The following NKAIN3 variants were observed in gnomAD, a reference collection of about 807,000 sequenced individuals.
The protein encoded by NKAIN3 is sodium/potassium transporting ATPase interacting 3, also known as sodium/potassium-transporting ATPase subunit beta-1-interacting protein 3.
Under a neutral mutation model 30.2 loss-of-function variants are expected in NKAIN3, and 25 were observed. The observed-to-expected ratio is 0.83, with a 90% CI of 0.60 to 1.16. NKAIN3 has a LOEUF of 1.16. Among genes scored for constraint, NKAIN3 ranks in the 50% most tolerant of loss-of-function variants. NKAIN3 has a pLI of 0.00. For synonymous variants in NKAIN3, 91 were observed against 89.6 expected, an observed-to-expected ratio of 1.02 and a Z score of -0.09; for missense variants, 225 against 254.1, an observed-to-expected ratio of 0.89 and a Z score of 0.78.
At chr8:62,852,024 G>T (rs1316830030) in intron 4 of NKAIN3, among the ~76,000 whole-genome samples, 2 of 152,102 alleles carry the variant, frequency 1.3e-5, no homozygotes, top group Non-Finnish European at 2.9e-5. Context: ...TAGTTTAGAA[G>T]GAAAGGTACC....
chr8:62,690,574 C>G (rs1374317846), intron 3 of NKAIN3, among the ~76,000 whole-genome samples: 1 of 152,224 alleles, frequency 6.6e-6, no homozygotes, highest in Non-Finnish European at 1.5e-5. Context: ...GTTTCTGTCT[C>G]TGCCTCAGTC....
intron 3 of NKAIN3, among the ~76,000 whole-genome samples, chr8:62,739,466 C>T (rs946093979): frequency 6.6e-6 from 1 of 152,046 alleles, no homozygotes; most frequent in Non-Finnish European, 1.5e-5. Context: ...CTGATAGGGG[C>T]TCTTTTCAAA....
chr8:62,634,798 G>A lies in NKAIN3; in HGVS notation c.273+45004G>A, dbSNP rs1190737584. On this transcript the variant is annotated intron_variant, in intron 3 of 6. Coordinates refer to ENST00000623646, the MANE Select transcript of NKAIN3 (RefSeq NM_001304533.3). The stretch of plus-strand genomic sequence containing the variant: ...GGTGAGTGAATGGAGTTACTTGTAT[G>A]GGATAAACCAAACAAGAATGGACTT... Among the ~76,000 whole-genome samples, 4 of 152,056 alleles carry A rather than the reference G, an allele frequency of 2.6e-5. No individual in the cohort carries two copies. The South Asian group carries it at 6.2e-4, about 24-fold the overall frequency.
chr8:62,646,948 C>T (rs78639033), intron 3 of NKAIN3, among the ~76,000 whole-genome samples: 1 of 152,070 alleles, frequency 6.6e-6, no homozygotes, highest in African/African-American at 2.4e-5. Context: ...CCCCAGCTCC[C>T]AGCACAAAGG....
rs1238932809 is a variant in NKAIN3, at chr8:62,970,224, AAGAG to A, written c.*4825_*4828del. ...AATACAGCAAAAGCCTGTCTCTAAA[AAGAG>A]AGAGAGATAAGTAGATATGTTTTAA... On this transcript the variant is annotated 3_prime_UTR_variant, in exon 7 of 7. Transcript: ENST00000623646. 6.6e-6 allele frequency among the ~76,000 whole-genome samples: 1 copy of A among 152,120 alleles called. No homozygotes were observed. The highest frequency in any genetic ancestry group is 1.5e-5 in the Non-Finnish European group (1 of 68,018).
chr8:62,803,815 G>A (rs1818164509), intron 4 of NKAIN3, among the ~76,000 whole-genome samples: 1 of 152,148 alleles, frequency 6.6e-6, no homozygotes, highest in Non-Finnish European at 1.5e-5. Flanking sequence ...AAAAATTAAT[G>A]AATCCAGGAG....
At chr8:62,556,666 T>C (rs148341281) in intron 1 of NKAIN3, among the ~76,000 whole-genome samples, 5 of 151,930 alleles carry the variant, frequency 3.3e-5, no homozygotes, top group Non-Finnish European at 5.9e-5. Flanking sequence ...CCAGATATAA[T>C]AGAATTTAAG....
At chr8:62,858,180 C>G (rs1820120695) in intron 4 of NKAIN3, among the ~76,000 whole-genome samples, 1 of 152,112 alleles carries the variant, frequency 6.6e-6, no homozygotes, top group Non-Finnish European at 1.5e-5. Context: ...CTGGAGGTAT[C>G]ACCACCGAAG....
chr8:62,611,737 G>T (rs1302402058), intron 3 of NKAIN3, among the ~76,000 whole-genome samples: 1 of 151,940 alleles, frequency 6.6e-6, no homozygotes, highest in Non-Finnish European at 1.5e-5. Context: ...TTAAACAGTG[G>T]GGCAACAAAC....
At chr8:62,650,981 C>A (rs1563500369) in intron 3 of NKAIN3, among the ~76,000 whole-genome samples, 3 of 151,752 alleles carry the variant, frequency 2.0e-5, no homozygotes, top group African/African-American at 7.3e-5. Context: ...AACAAGAATT[C>A]TTTTGTTTTG....
At chr8:62,478,791 T>G (rs183951068) in intron 1 of NKAIN3, among the ~76,000 whole-genome samples, 93 of 152,296 alleles carry the variant, frequency 6.1e-4, no homozygotes, top group African/African-American at 2.2e-3. Context: ...CTGACCCGTA[T>G]TTTTCTAAAA....
chr8:62,918,858 G>T (rs927011731), intron 5 of NKAIN3, among the ~76,000 whole-genome samples: 3 of 151,894 alleles, frequency 2.0e-5, no homozygotes, highest in African/African-American at 7.3e-5. Context: ...GCATGTTGGT[G>T]GCAGAATTTT....
At chr8:62,717,437 A>T (rs372510806) in intron 3 of NKAIN3, among the ~76,000 whole-genome samples, 1 of 151,630 alleles carries the variant, frequency 6.6e-6, no homozygotes, top group African/African-American at 2.4e-5. Context: ...GTAACACAGG[A>T]GACTTTGAAT....
rs1275116341 is a variant in NKAIN3 at position 62,949,340 on chromosome 8, G to T, written c.533-4562G>T. Among the ~76,000 whole-genome samples, 3 of 152,142 alleles carry T rather than the reference G, an allele frequency of 2.0e-5. No homozygotes were observed. The East Asian group carries it at 5.8e-4, about 29-fold the overall frequency. On this transcript the variant is annotated intron_variant, in intron 5 of 6. Transcript: ENST00000623646. ...GTGTGTCCCATAAACAAATAGAAAA[G>T]TTGCTATTGGTTGTGTATTTTTTTA...
At chr8:62,478,123 T>C (rs1055859058) in intron 1 of NKAIN3, among the ~76,000 whole-genome samples, 4 of 152,080 alleles carry the variant, frequency 2.6e-5, no homozygotes, top group African/African-American at 7.2e-5. Context: ...TTTCAACATA[T>C]GCATTTTGGA....
chr8:62,454,229 A>G (rs1219359820), intron 1 of NKAIN3, among the ~76,000 whole-genome samples: 1 of 147,426 alleles, frequency 6.8e-6, no homozygotes, highest in Non-Finnish European at 1.5e-5. Context: ...TTCAGCTTCC[A>G]TGGGCCACAT....
chr8:62,542,346 A>G (rs904455099), intron 1 of NKAIN3, among the ~76,000 whole-genome samples: 13 of 152,170 alleles, frequency 8.5e-5, no homozygotes, highest in Admixed American at 7.2e-4. Flanking sequence ...TGCTGCATGG[A>G]GTGAAAAGGG....
At chr8:62,329,949 G>A (rs1032765112) in intron 1 of NKAIN3, among the ~76,000 whole-genome samples, 1 of 151,992 alleles carries the variant, frequency 6.6e-6, no homozygotes, top group Non-Finnish European at 1.5e-5. Flanking sequence ...CAGTGAAACT[G>A]GTGAACTGTT....
chr8:62,820,059 T>C (rs536384584), intron 4 of NKAIN3, among the ~76,000 whole-genome samples: 2 of 152,228 alleles, frequency 1.3e-5, no homozygotes, highest in South Asian at 4.1e-4. Context: ...ACAGTGAGGA[T>C]ATGAAGCTGA....
Sources: gnomAD v4.1 joint callset for allele counts (sites outside exome capture counted in the v4.1 genomes callset) on GRCh38, gnomAD v4.1.1 for gene constraint, MANE v1.5 for transcripts, NCBI Gene and HGNC (gene_info 2026-07-23, HGNC 2026-07-21) for gene names.